ABLIM1: variants seen among roughly 807,000 people sequenced by gnomAD.
ABLIM1 encodes the protein actin-binding LIM protein 1.
A neutral mutation model predicts 107.0 loss-of-function variants in ABLIM1; 40 were observed. The ratio of observed to expected loss-of-function variants is 0.37; its 90% confidence interval spans 0.29 to 0.49. ABLIM1 has a LOEUF of 0.49. ABLIM1 is among the 20% of genes least tolerant of loss of function. The pLI is 0.97. For synonymous variants in ABLIM1, 357 were observed against 357.3 expected, an observed-to-expected ratio of 1.00 and a Z score of 0.01; for missense variants, 857 against 1,008.5, an observed-to-expected ratio of 0.85 and a Z score of 2.04.
chr10:114,761,836 A>G (rs1199842928), intron 1 of ABLIM1, among the ~76,000 whole-genome samples: 3 of 151,892 alleles, frequency 2.0e-5, no homozygotes, highest in African/African-American at 7.3e-5. Flanking sequence ...CCTCCATCCT[A>G]TTCTTTTTTA....
chr10:114,791,890 T>C, the ABLIM1 span, among the ~76,000 whole-genome samples: 1 of 152,224 alleles, frequency 6.6e-6, no homozygotes, highest in Non-Finnish European at 1.5e-5. Flanking sequence ...CCTTATGTAA[T>C]AATATGTAAC....
intron 1 of ABLIM1, among the ~76,000 whole-genome samples, chr10:114,722,287 A>T (rs115780594): frequency 0.04 from 6,079 of 152,208 alleles, 176 homozygotes; most frequent in African/African-American, 0.064. Flanking sequence ...ACGTTTTCAC[A>T]TGGTCAGAGC....
chr10:114,659,067 A>C (rs2079662330), upstream of ABLIM1, among the ~76,000 whole-genome samples: 1 of 152,218 alleles, frequency 6.6e-6, no homozygotes, highest in Non-Finnish European at 1.5e-5. Flanking sequence ...GTCCCAAGTC[A>C]AAATGAATAA....
rs532320869 is a variant in ABLIM1, at chr10:114,748,311, G to T, written c.-213+19750C>A. Among the ~76,000 whole-genome samples the T allele has an allele frequency of 2.0e-5, 3 of 152,278 alleles. No homozygotes were observed. The East Asian group carries it at 5.8e-4, about 29-fold the overall frequency. On this transcript the variant is annotated intron_variant, in intron 1 of 15. Transcript: ENST00000651092. The stretch of plus-strand genomic sequence containing the variant: ...ATAATGGTAAACAGACATGAAATTA[G>T]ATACCATCTGCGGTTGGCCAGCTTA...
At chr10:114,771,110 C>A (rs946448279), upstream of ABLIM1, among the ~76,000 whole-genome samples, 8 of 142,856 alleles carry the variant, frequency 5.6e-5, no homozygotes, top group Non-Finnish European at 9.1e-5. Flanking sequence ...GGATTACAGG[C>A]ATGAGCCACC....
intron 16 of ABLIM1, among the ~76,000 whole-genome samples, 185 bp from the exon 17 acceptor site, chr10:114,444,319 T>C (rs2060698495): frequency 6.6e-6 from 1 of 152,086 alleles, no homozygotes; most frequent in African/African-American, 2.4e-5. Context: ...CCCTAAACCC[T>C]CTTAGCCCTT....
At chr10:114,633,868 A>T (rs1172580015) in intron 1 of ABLIM1, among the ~76,000 whole-genome samples, 1 of 152,114 alleles carries the variant, frequency 6.6e-6, no homozygotes, top group African/African-American at 2.4e-5. Flanking sequence ...TGAGCCTAGC[A>T]GGTGAATCTA....
intron 2 of ABLIM1, among the ~76,000 whole-genome samples, chr10:114,580,902 T>C (rs913167265): frequency 2.0e-5 from 3 of 152,190 alleles, no homozygotes; most frequent in Non-Finnish European, 4.4e-5. Flanking sequence ...GGGAAAAGCA[T>C]AGATTCCTTT....
At chr10:114,492,572 G>A in intron 6 of ABLIM1, among the ~76,000 whole-genome samples, 1 of 152,170 alleles carries the variant, frequency 6.6e-6, no homozygotes, top group Non-Finnish European at 1.5e-5. Context: ...ACTGGATACA[G>A]GGACAATTTT....
intron 8 of ABLIM1, among the ~76,000 whole-genome samples, chr10:114,478,888 C>G (rs1196558793): frequency 6.6e-6 from 1 of 152,112 alleles, no homozygotes; most frequent in Non-Finnish European, 1.5e-5. Flanking sequence ...TGCATTCTTG[C>G]TTGCTTATTT....
chr10:114,453,160 C>T (rs1180677465), intron 13 of ABLIM1, among the ~76,000 whole-genome samples: 1 of 152,244 alleles, frequency 6.6e-6, no homozygotes, highest in African/African-American at 2.4e-5. Context: ...ATCACCCACA[C>T]TCTTCAAAAA....
chr10:114,658,698 A>T (rs1055137134), upstream of ABLIM1, among the ~76,000 whole-genome samples: 3 of 152,188 alleles, frequency 2.0e-5, no homozygotes, highest in African/African-American at 7.2e-5. Flanking sequence ...CTCGATAAAG[A>T]TCCTCAGCTT....
At chr10:114,750,837 C>T (rs1566302617) in intron 1 of ABLIM1, among the ~76,000 whole-genome samples, 1 of 152,098 alleles carries the variant, frequency 6.6e-6, no homozygotes, top group Non-Finnish European at 1.5e-5. Context: ...AAGTAGAAAT[C>T]ACTGTGTTTA....
intron 4 of ABLIM1, among the ~76,000 whole-genome samples, chr10:114,568,821 T>C (rs1487982481): frequency 2.0e-5 from 3 of 152,234 alleles, no homozygotes; most frequent in Non-Finnish European, 4.4e-5. Context: ...ATATTAAACA[T>C]GCAATGGCTT....
intron 12 of ABLIM1, chr10:114,463,037 C>T (rs1157182755): frequency 7.5e-7 from 1 of 1,330,638 alleles, no homozygotes; most frequent in East Asian, 4.8e-5. Context: ...AGAAACCTGC[C>T]TCCTTACCTT....
At chr10:114,705,647 A>G (rs1337810282) in intron 1 of ABLIM1, among the ~76,000 whole-genome samples, 1 of 152,210 alleles carries the variant, frequency 6.6e-6, no homozygotes, top group East Asian at 1.9e-4. Flanking sequence ...TTGGTGAGAA[A>G]GGCTGGGCAC....
At chr10:114,439,079 GC>G in intron 21 of ABLIM1, 96 bp downstream of exon 21, 6 of 1,450,436 alleles carry the variant, frequency 4.1e-6, no homozygotes, top group Non-Finnish European at 5.8e-6. Flanking sequence ...GAACACACCA[GC>G]CTACAACACT....
intron 1 of ABLIM1, among the ~76,000 whole-genome samples, chr10:114,694,385 T>TGTGACAAAAACCTAAAGGGGC (rs1396409497): frequency 6.6e-6 from 1 of 152,238 alleles, no homozygotes; most frequent in Non-Finnish European, 1.5e-5. Context: ...TTTTCTAAAA[T>TGTGACAAAAACCTAAAGGGGC]GTGACAAAAA....
rs572870911 is a variant in ABLIM1 at position 114,696,239 on chromosome 10, T to C, written c.-213+71822A>G. ...AGGGAACAAAGCAGGATTTCTTGGCTAAAAATGCTATATTAGTTGCTAAGA... is the reference window on the plus strand; with the variant it reads ...AGGGAACAAAGCAGGATTTCTTGGCCAAAAATGCTATATTAGTTGCTAAGA... On this transcript the variant is annotated intron_variant, in intron 1 of 15. Transcript: ENST00000651092. Among the ~76,000 whole-genome samples the C allele has an allele frequency of 5.3e-5, 8 of 152,306 alleles. No individual in the cohort carries two copies. The South Asian group carries it at 1.7e-3, about 32-fold the overall frequency.
Sources: allele counts gnomAD v4.1 joint callset (sites outside exome capture counted in the v4.1 genomes callset), GRCh38; gene constraint gnomAD v4.1.1; transcripts MANE v1.5; gene names NCBI Gene and HGNC (gene_info 2026-07-23, HGNC 2026-07-21).